ABR: variants seen among roughly 807,000 people sequenced by gnomAD.
ABR encodes the protein active breakpoint cluster region-related protein.
A neutral mutation model predicts 107.2 loss-of-function variants in ABR; 35 were observed. That is an observed-to-expected ratio of 0.33 (90% CI 0.25 to 0.43). The LOEUF (loss-of-function observed/expected upper bound fraction) is 0.43, where lower values mean the gene tolerates loss of function less well. Ranked by LOEUF, ABR falls within the 20% of genes least tolerant of loss-of-function variation. The pLI is 1.00. For synonymous variants in ABR, 498 were observed against 462.0 expected, an observed-to-expected ratio of 1.08 and a Z score of -1.00; for missense variants, 815 against 1,115.2, an observed-to-expected ratio of 0.73 and a Z score of 3.83.
chr17:1,012,711 A>G lies in ABR; in HGVS notation c.1938T>C (p.Gly646=), dbSNP rs2070728103. ...TPSKKQTGVF[G]VKISVVTKRE... ...ACTTCGTCACCACGCTGATCTTCAC[A>G]CCGAAGACGCCGGTCTGCTTTTTGG... Residue 646 remains glycine (G), a synonymous_variant, in exon 18 of 23, where the codon GGT becomes GGC. Transcript: ENST00000302538. 2 of 1,589,000 alleles carry G rather than the reference A, an allele frequency of 1.3e-6. No individual in the cohort carries two copies. Among genetic ancestry groups the G allele is most frequent in the African/African-American group, 2.7e-5 (2 of 74,660 alleles).
At chr17:1,195,634 C>G (rs1180848440) in intron 1 of ABR, among the ~76,000 whole-genome samples, 1 of 151,356 alleles carries the variant, frequency 6.6e-6, no homozygotes, top group Non-Finnish European at 1.5e-5. Flanking sequence ...GAAACCCCGT[C>G]TCTACTAAAA....
At chr17:1,038,815 C>A (rs919304946) in intron 16 of ABR, among the ~76,000 whole-genome samples, 5 of 152,228 alleles carry the variant, frequency 3.3e-5, no homozygotes, top group Non-Finnish European at 7.3e-5. Flanking sequence ...CTCTGGCAAC[C>A]CTTCTGTGGC....
At chr17:1,069,209 A>T (rs2035010337) in intron 9 of ABR, among the ~76,000 whole-genome samples, 1 of 152,174 alleles carries the variant, frequency 6.6e-6, no homozygotes, top group Non-Finnish European at 1.5e-5. Context: ...GAACATTTAA[A>T]AACAGGGAAG....
intron 5 of ABR, among the ~76,000 whole-genome samples, chr17:1,082,808 C>T (rs2151253726): frequency 6.6e-6 from 1 of 152,248 alleles, no homozygotes; most frequent in East Asian, 1.9e-4. Flanking sequence ...TTAAACAATG[C>T]CCCAGTGATT....
At chr17:1,139,313 G>A (rs2040200343) in intron 1 of ABR, among the ~76,000 whole-genome samples, 1 of 152,082 alleles carries the variant, frequency 6.6e-6, no homozygotes. Context: ...GTGCAGTGGC[G>A]CCATCTCGGC....
chr17:1,067,438 C>G (rs1035890870), intron 9 of ABR, among the ~76,000 whole-genome samples, 196 bp from the exon 10 acceptor site: 3 of 152,236 alleles, frequency 2.0e-5, no homozygotes, highest in African/African-American at 7.2e-5. Flanking sequence ...GGGGTCCGCC[C>G]CGCCCGCAGG....
chr17:1,008,682 C>T (rs556448209), intron 21 of ABR, among the ~76,000 whole-genome samples: 39 of 152,302 alleles, frequency 2.6e-4, no homozygotes, highest in Admixed American at 7.2e-4. Flanking sequence ...CCGAGCCTGG[C>T]GTGGCTGAGC....
At position 1,057,059 on chromosome 17, in the gene ABR, G is replaced by A. The variant is rs1474814051; in HGVS notation, c.1425C>T (p.Leu475=). 6.2e-7 allele frequency: 1 copy of A among 1,612,928 alleles called. No homozygotes were observed. The highest frequency in any genetic ancestry group is 1.7e-5 in the Admixed American group (1 of 59,968). The stretch of plus-strand genomic sequence containing the variant: ...TCCTAAGCTTGAAACAGGATCCTGT[G>A]AGCACCTGGAGCTCCACTGAGCTCA... The part of the protein sequence containing the change: ...FVLSSVELQV[L]TGSCFKLRTV... The change falls in exon 13 of 23, where the codon CTC becomes CTT. Residue 475 remains leucine, a synonymous_variant. Coordinates refer to ENST00000302538, the MANE Select transcript of ABR (RefSeq NM_021962.5).
At chr17:1,009,094 C>T (rs2070298391) in intron 21 of ABR, among the ~76,000 whole-genome samples, 1 of 152,186 alleles carries the variant, frequency 6.6e-6, no homozygotes, top group African/African-American at 2.4e-5. Context: ...TGCTGTAACA[C>T]AGTCCACACG....
At position 1,200,765 on chromosome 17, in the gene ABR, G is replaced by A. The variant is rs1405933473; in HGVS notation, c.838+28028C>T. 1.3e-5 allele frequency among the ~76,000 whole-genome samples: 2 copies of A among 152,134 alleles called. No homozygotes were observed. Among genetic ancestry groups the A allele is most frequent in the Non-Finnish European group, 1.5e-5 (1 of 68,034 alleles). On this transcript the variant is annotated intron_variant, in intron 1 of 22. Coordinates refer to the ABR transcript ENST00000574139. This position sits in a 1 kb window ranked among gnomAD's most constrained non-coding sequence, Gnocchi z 4.1. ...GGTGCAAGATGTCTCCGGTTACTTC[G>A]GGGAGACAGGAACATGACCTGGGTT...
chr17:1,189,460 C>A (rs534386521), upstream of ABR, among the ~76,000 whole-genome samples: 1 of 151,780 alleles, frequency 6.6e-6, no homozygotes, highest in Admixed American at 6.6e-5. Context: ...GTGATTCTCC[C>A]GCCTCAGTCT....
chr17:1,149,068 AAT>A (rs1491385827), intron 1 of ABR, among the ~76,000 whole-genome samples: 5 of 150,824 alleles, frequency 3.3e-5, no homozygotes, highest in South Asian at 2.1e-4. Context: ...TGCCTGGCTA[AAT>A]TTTTTTGTAT....
rs1305070440 is a variant in ABR at position 1,085,801 on chromosome 17, T to A, written c.532-2174A>T. 2.6e-5 allele frequency among the ~76,000 whole-genome samples: 4 copies of A among 152,264 alleles called. 1 individual carries two copies. Among genetic ancestry groups the A allele is most frequent in the Admixed American group, 2.6e-4 (4 of 15,278 alleles). ...TAATATTTGGATCTGCGGGAATAAA[T>A]AAAAGATATTCTCAAAATTAATTTC... On this transcript the variant is annotated intron_variant, in intron 4 of 22. Coordinates refer to ENST00000302538, the MANE Select transcript of ABR (RefSeq NM_021962.5).
In ABR at chr17:1,080,536, C is replaced by G. The variant is rs537434876; in HGVS notation, c.640-1146G>C. On this transcript the variant is annotated intron_variant, in intron 5 of 22. Transcript: ENST00000302538. ...GAAGGCAGGAGGCAAGGTGAGGCCA[C>G]GGTCAGGTGCCCAGGTGATGAGGCC... is the stretch of plus-strand genomic sequence containing the variant. 1.1e-4 allele frequency among the ~76,000 whole-genome samples: 16 copies of G among 152,028 alleles called. No individual in the cohort carries two copies. In the South Asian group the frequency reaches 2.3e-3, roughly 22 times the overall value.
chr17:1,074,175 C>T (rs188196127), intron 6 of ABR, among the ~76,000 whole-genome samples: 27 of 141,358 alleles, frequency 1.9e-4, no homozygotes, highest in South Asian at 6.9e-4. Flanking sequence ...CACCCAGCCA[C>T]GCCCCGCAGA....
intron 16 of ABR, among the ~76,000 whole-genome samples, chr17:1,017,627 C>T (rs1290756577): frequency 6.6e-6 from 1 of 151,660 alleles, no homozygotes; most frequent in Non-Finnish European, 1.5e-5. Flanking sequence ...ACCATCACAC[C>T]CGGCTAATTT....
intron 2 of ABR, among the ~76,000 whole-genome samples, chr17:1,124,112 C>T (rs2039479270): frequency 6.6e-6 from 1 of 152,090 alleles, no homozygotes; most frequent in African/African-American, 2.4e-5. Context: ...TTGCCAAAGG[C>T]TATAACAGCC....
At chr17:1,019,262 C>A (rs978091825) in intron 16 of ABR, among the ~76,000 whole-genome samples, 12 of 152,236 alleles carry the variant, frequency 7.9e-5, no homozygotes, top group African/African-American at 2.9e-4. Flanking sequence ...CTCGGAGAGC[C>A]CCAGGTCACA....
At chr17:1,020,900 C>T (rs768419172) in intron 16 of ABR, among the ~76,000 whole-genome samples, 10 of 152,072 alleles carry the variant, frequency 6.6e-5, no homozygotes, top group African/African-American at 9.7e-5. Context: ...TCCCCGTGCT[C>T]GGATTCAGGG....
Sources: allele counts gnomAD v4.1 joint callset (sites outside exome capture counted in the v4.1 genomes callset), GRCh38; gene constraint gnomAD v4.1.1; non-coding constraint Gnocchi (gnomAD v3.1); transcripts MANE v1.5; gene names NCBI Gene and HGNC (gene_info 2026-07-23, HGNC 2026-07-21).